The following ZMAT4 variants were observed in gnomAD, a reference collection of about 807,000 sequenced individuals.
ZMAT4 encodes the protein zinc finger matrin-type protein 4.
In ZMAT4, 17 loss-of-function variants were observed where a neutral mutation model predicts 28.7. That is an observed-to-expected ratio of 0.59 (90% CI 0.41 to 0.89). The LOEUF (loss-of-function observed/expected upper bound fraction) is 0.89, where lower values mean the gene tolerates loss of function less well. Among genes scored for constraint, ZMAT4 ranks in the 40% least tolerant of loss-of-function variants. ZMAT4 has a pLI of 0.00. For synonymous variants in ZMAT4, 117 were observed against 109.2 expected, an observed-to-expected ratio of 1.07 and a Z score of -0.44; for missense variants, 240 against 283.8, an observed-to-expected ratio of 0.85 and a Z score of 1.11.
At chr8:40,810,315 C>T (rs116039401) in intron 2 of ZMAT4, among the ~76,000 whole-genome samples, 3 of 152,190 alleles carry the variant, frequency 2.0e-5, no homozygotes, top group Non-Finnish European at 2.9e-5. Context: ...AAGATAGATA[C>T]GTGATTTGTC....
At chr8:40,879,005 T>A (rs1009938123) in intron 1 of ZMAT4, among the ~76,000 whole-genome samples, 3 of 152,120 alleles carry the variant, frequency 2.0e-5, no homozygotes, top group South Asian at 2.1e-4. Flanking sequence ...ACTTGGGGAG[T>A]CTACCCTGTC....
intron 5 of ZMAT4, among the ~76,000 whole-genome samples, chr8:40,669,331 T>C (rs982687628): frequency 6.6e-6 from 1 of 152,022 alleles, no homozygotes; most frequent in Non-Finnish European, 1.5e-5. Flanking sequence ...GATACTGAAA[T>C]AAAAGCAAGC....
intron 1 of ZMAT4, among the ~76,000 whole-genome samples, chr8:40,842,499 C>T (rs1312499516): frequency 6.6e-6 from 1 of 152,182 alleles, no homozygotes; most frequent in Non-Finnish European, 1.5e-5. Flanking sequence ...CCGGATTTCA[C>T]AGTCAGAAAA....
intron 3 of ZMAT4, among the ~76,000 whole-genome samples, chr8:40,701,111 T>G (rs1810125901): frequency 6.6e-6 from 1 of 152,140 alleles, no homozygotes; most frequent in Non-Finnish European, 1.5e-5. Context: ...GAACCAGAGG[T>G]GACAACAATT....
chr8:40,545,735 A>T (rs537680278), intron 6 of ZMAT4, among the ~76,000 whole-genome samples: 20 of 152,226 alleles, frequency 1.3e-4, no homozygotes, highest in African/African-American at 4.6e-4. Context: ...ATATGCCTTG[A>T]TCTTGAACTT....
chr8:40,771,509 G>A (rs1813389556), intron 2 of ZMAT4, among the ~76,000 whole-genome samples: 1 of 152,044 alleles, frequency 6.6e-6, no homozygotes, highest in Non-Finnish European at 1.5e-5. Context: ...ATTGTAATTA[G>A]TAAAAAGCAT....
At chr8:40,668,197 C>A (rs1037185041) in intron 5 of ZMAT4, among the ~76,000 whole-genome samples, 1 of 152,022 alleles carries the variant, frequency 6.6e-6, no homozygotes, top group Non-Finnish European at 1.5e-5. Context: ...AGTGGCTGGG[C>A]GCAGTGGCTC....
chr8:40,881,437 A>AAGAG (rs1818223519), intron 1 of ZMAT4, among the ~76,000 whole-genome samples: 1 of 50,064 alleles, frequency 2.0e-5, no homozygotes, highest in Non-Finnish European at 4.5e-5. Flanking sequence ...GAAAGAGAGA[A>AAGAG]AGAAAGAAAG....
At chr8:40,764,825 G>A (rs1232922658) in intron 3 of ZMAT4, among the ~76,000 whole-genome samples, 2 of 151,794 alleles carry the variant, frequency 1.3e-5, no homozygotes, top group Admixed American at 6.6e-5. Flanking sequence ...CTATACCTTC[G>A]ATATTATTAT....
intron 3 of ZMAT4, among the ~76,000 whole-genome samples, chr8:40,713,580 G>T (rs893416237): frequency 2.0e-5 from 3 of 152,048 alleles, no homozygotes; most frequent in African/African-American, 7.2e-5. Flanking sequence ...CACCAGTTAA[G>T]CAAACAACAT....
chr8:40,632,137 C>A (rs1262415249), intron 5 of ZMAT4, among the ~76,000 whole-genome samples: 1 of 152,110 alleles, frequency 6.6e-6, no homozygotes, highest in Admixed American at 6.5e-5. Context: ...ACAGACTGGG[C>A]TGAGAATTCC....
At chr8:40,791,574 G>T (rs1022029136) in intron 2 of ZMAT4, among the ~76,000 whole-genome samples, 5 of 152,180 alleles carry the variant, frequency 3.3e-5, no homozygotes, top group African/African-American at 1.2e-4. Flanking sequence ...GCCATCTTCT[G>T]CTCATGTAGT....
chr8:40,537,887 A>C (rs576042455), intron 6 of ZMAT4, among the ~76,000 whole-genome samples: 13 of 152,236 alleles, frequency 8.5e-5, no homozygotes, highest in Admixed American at 3.9e-4. Context: ...ATTCCCTTCT[A>C]CTTTGGGGGT....
intron 1 of ZMAT4, among the ~76,000 whole-genome samples, chr8:40,853,218 A>G (rs11780800): frequency 0.11 from 16,523 of 152,268 alleles, 975 homozygotes; most frequent in Non-Finnish European, 0.14. Flanking sequence ...TTTGCAACTC[A>G]GAATATTAAA....
intron 5 of ZMAT4, among the ~76,000 whole-genome samples, chr8:40,648,341 G>A (rs1807450551): frequency 6.7e-6 from 1 of 149,428 alleles, no homozygotes; most frequent in Non-Finnish European, 1.5e-5. Context: ...AAGATGAAAT[G>A]AATGAAATGA....
chr8:40,821,791 C>A (rs1252350611), intron 2 of ZMAT4, among the ~76,000 whole-genome samples: 6 of 152,196 alleles, frequency 3.9e-5, no homozygotes, highest in Non-Finnish European at 1.5e-5. Context: ...TGCTTAAGAG[C>A]CTCACAGATT....
chr8:40,726,844 C>T (rs571562533), intron 3 of ZMAT4, among the ~76,000 whole-genome samples: 2 of 152,310 alleles, frequency 1.3e-5, no homozygotes, highest in East Asian at 3.9e-4. Flanking sequence ...ACTTTGCCAA[C>T]TCTCTTGGGG....
intron 1 of ZMAT4, among the ~76,000 whole-genome samples, chr8:40,861,356 A>G: frequency 6.6e-6 from 1 of 152,246 alleles, no homozygotes; most frequent in Non-Finnish European, 1.5e-5. Flanking sequence ...GGTGCTGGGA[A>G]AACTGGCTAG....
chr8:40,672,703 A>G (rs920714966), intron 5 of ZMAT4, among the ~76,000 whole-genome samples: 8 of 152,226 alleles, frequency 5.3e-5, no homozygotes, highest in Non-Finnish European at 5.9e-5. Context: ...CACCAAACAT[A>G]AAGTCCTATT....
Sources: gnomAD v4.1 joint callset for allele counts (sites outside exome capture counted in the v4.1 genomes callset) on GRCh38, gnomAD v4.1.1 for gene constraint, MANE v1.5 for transcripts, NCBI Gene and HGNC (gene_info 2026-07-23, HGNC 2026-07-21) for gene names.